Variants in STAC2 observed in about 807,000 individuals in gnomAD.
STAC2 encodes the protein SH3 and cysteine rich domain 2.
STAC2 carries 36 observed loss-of-function variants against 49.0 expected under a neutral mutation model. The ratio of observed to expected loss-of-function variants is 0.74; its 90% confidence interval spans 0.56 to 0.97. STAC2 has a LOEUF of 0.97. Ranked by LOEUF, STAC2 falls within the 50% of genes least tolerant of loss-of-function variation. The pLI, the probability that STAC2 is intolerant of heterozygous loss-of-function variation, is 0.00. For synonymous variants in STAC2, 239 were observed against 214.7 expected (o/e 1.11, Z -0.99); for missense variants, 527 against 543.8 (o/e 0.97, Z 0.31).
In STAC2 at chr17:39,217,922, C is replaced by T. The variant is rs370469328; in HGVS notation, c.342G>A (p.Gln114=). The T allele has an allele frequency of 1.2e-6, 2 of 1,606,030 alleles. No homozygotes were observed. The highest frequency in any genetic ancestry group is 1.7e-6 in the Non-Finnish European group (2 of 1,176,770). ...GGCTAGCTCGCTTGAAGACATGTTCCTGGAAGCTGTGCAGCCTCACTGGTT... is the reference window on the plus strand; with the variant it reads ...GGCTAGCTCGCTTGAAGACATGTTCTTGGAAGCTGTGCAGCCTCACTGGTT... The part of the protein sequence containing the change: ...ALKPVRLHSF[Q]EHVFKRASPC... The change falls in exon 2 of 11, where the codon CAG becomes CAA. Residue 114 remains glutamine (Q), a synonymous_variant. Coordinates refer to ENST00000333461, the MANE Select transcript of STAC2 (RefSeq NM_198993.5).
chr17:39,218,028 G>A lies in STAC2; in HGVS notation c.236C>T (p.Pro79Leu), dbSNP rs1302164795. 111 of 1,591,444 alleles carry A rather than the reference G, an allele frequency of 7.0e-5. No homozygotes were observed. Among genetic ancestry groups the A allele is most frequent in the Non-Finnish European group, 8.9e-5 (104 of 1,169,956 alleles). The change falls in exon 2 of 11, where the codon CCA becomes CTA. Residue 79 changes from proline to leucine, a missense_variant. Transcript: ENST00000333461. The stretch of plus-strand genomic sequence containing the variant: ...GCCCCTGTCCGAGGCTGTGGGTGGT[G>A]GGGAGGGAGGGGGCAGTGGGGTTGG... ...TPPTPLPPPS[P>L]PPTASDRGLA...
intron 4 of STAC2, 73 bp from the exon 5 acceptor site, chr17:39,215,303 C>G: frequency 4.1e-6 from 6 of 1,480,180 alleles, no homozygotes; most frequent in South Asian, 1.1e-5. Flanking sequence ...TCAGCATGCC[C>G]CAGGCTGAGC....
chr17:39,213,996 C>T (rs1029178342), intron 8 of STAC2, among the ~76,000 whole-genome samples: 4 of 152,022 alleles, frequency 2.6e-5, no homozygotes, highest in African/African-American at 9.7e-5. Context: ...TTCTTGATGC[C>T]CTCAGAGGAC....
chr17:39,214,673 G>A lies in STAC2; in HGVS notation c.843+118C>T, dbSNP rs2046384780. On this transcript the variant is annotated intron_variant, in intron 7 of 10. Transcript: ENST00000333461. ...TGGCATTGCCCATCCCTGAGGATAAGTGAGGAAGCAGTGAATCCCCACGCA... is the reference window on the plus strand; with the variant it reads ...TGGCATTGCCCATCCCTGAGGATAAATGAGGAAGCAGTGAATCCCCACGCA... 4 of 1,292,390 alleles carry A rather than the reference G, an allele frequency of 3.1e-6. No homozygotes were observed. In the South Asian group the frequency reaches 5.8e-5, roughly 19 times the overall value. 80.1% of individuals were successfully genotyped at this position (1,292,390 alleles called of 1,614,324 possible).
chr17:39,213,614 T>A, intron 8 of STAC2, 56 bp from the exon 9 acceptor site: 3 of 1,581,054 alleles, frequency 1.9e-6, no homozygotes, highest in Non-Finnish European at 2.6e-6. Context: ...CCCCTCCCCA[T>A]CCTAGCAGAC....
rs937231436 is a variant in STAC2, at chr17:39,225,779, G to T, written c.-277C>A. On this transcript the variant is annotated 5_prime_UTR_variant, in exon 1 of 11. Transcript: ENST00000333461. The surrounding 1 kb of genome is among the most constrained non-coding windows in gnomAD (Gnocchi z 8.2). ...AGGATGCTGCTCGCAGCGCGGGGAG[G>T]AGGGAAGTGGGGCCGCGGGGATGAG... 3 of 469,758 alleles carry T rather than the reference G, an allele frequency of 6.4e-6. No homozygotes were observed. The highest frequency in any genetic ancestry group is 1.1e-5 in the Non-Finnish European group (3 of 261,844). 29.1% of individuals were successfully genotyped at this position (469,758 alleles called of 1,614,324 possible). A position where few individuals can be genotyped will look rare whatever the true frequency, so the allele number is the denominator to read the frequency against.
rs34227667 is a variant in STAC2, at chr17:39,214,696, G to A, written c.843+95C>T. 7.1e-3 allele frequency: 9,967 copies of A among 1,412,218 alleles called. 505 individuals are homozygous for A. In the African/African-American group the frequency reaches 0.12, roughly 17 times the overall value. The allele number at this position is 1,412,218 out of a possible 1,614,324, so 87.5% of individuals were successfully genotyped here. On this transcript the variant is annotated intron_variant, in intron 7 of 10. Coordinates refer to ENST00000333461, the MANE Select transcript of STAC2 (RefSeq NM_198993.5). ...AAGTGAGGAAGCAGTGAATCCCCAC[G>A]CACCATGCTCTTGCCCCCCTATGAA...
In STAC2 at chr17:39,221,356, C is replaced by T. The variant is rs377668428; in HGVS notation, c.91-3183G>A. ...CCTCATGATCCGCCCACCTTGGCCT[C>T]CCAAAGTGCTGGGATTACAGGCGTC... On this transcript the variant is annotated intron_variant, in intron 1 of 10. Coordinates refer to ENST00000333461, the MANE Select transcript of STAC2 (RefSeq NM_198993.5). Among the ~76,000 whole-genome samples, 293 of 152,300 alleles carry T rather than the reference C, an allele frequency of 1.9e-3. 2 individuals carry two copies. Among genetic ancestry groups the T allele is most frequent in the African/African-American group, 6.8e-3 (282 of 41,544 alleles).
rs145892264 is a variant in STAC2, at chr17:39,221,039, G to A, written c.91-2866C>T. 7.1e-3 allele frequency among the ~76,000 whole-genome samples: 1,073 copies of A among 151,658 alleles called. 10 individuals carry two copies. The highest frequency in any genetic ancestry group is 0.011 in the Admixed American group (164 of 15,210). Reference sequence around the variant, plus strand: ...TCTCGATCTCCTGACCTCGTGATCCGCCTGTTTCGGCCTCCCAAAGTGCTA... The same window carrying A: ...TCTCGATCTCCTGACCTCGTGATCCACCTGTTTCGGCCTCCCAAAGTGCTA... On this transcript the variant is annotated intron_variant, in intron 1 of 10. Transcript: ENST00000333461.
At chr17:39,216,235 G>A (rs2046400897) in intron 4 of STAC2, among the ~76,000 whole-genome samples, 1 of 151,824 alleles carries the variant, frequency 6.6e-6, no homozygotes, top group East Asian at 1.9e-4. Flanking sequence ...TCCTGCCTCA[G>A]CCTCCCAAGT....
intron 1 of STAC2, among the ~76,000 whole-genome samples, chr17:39,220,636 G>A (rs1364371665): frequency 1.3e-5 from 2 of 151,842 alleles, no homozygotes; most frequent in Admixed American, 1.3e-4. Context: ...CACCATGCCC[G>A]GCTAATTTTG....
In STAC2 at chr17:39,217,077, GT is replaced by G; in HGVS notation, c.493del (p.Thr165ArgfsTer52). Reference protein sequence around the residue: ...EISHQQCPGKTSTSFRRNFSS... With the variant: ...EISHQQCPGKXSTSFRRNFSS... ...ATCTCTGCCTGGGTCCCCGCTCACCGTCTTGCCTGGGCATTGCTGGTGGGAG... is the reference window on the plus strand; with the variant it reads ...ATCTCTGCCTGGGTCCCCGCTCACCGCTTGCCTGGGCATTGCTGGTGGGAG... On this transcript the variant is annotated frameshift_variant and splice_region_variant, in exon 3 of 11. Coordinates refer to ENST00000333461, the MANE Select transcript of STAC2 (RefSeq NM_198993.5). LOFTEE classifies it high-confidence loss of function. 6.2e-7 allele frequency: 1 copy of G among 1,613,820 alleles called. No individual in the cohort carries two copies. The highest frequency in any genetic ancestry group is 8.5e-7 in the Non-Finnish European group (1 of 1,179,806).
chr17:39,213,188 C>A, intron 9 of STAC2, 56 bp from the exon 10 acceptor site: 1 of 1,593,400 alleles, frequency 6.3e-7, no homozygotes, highest in Non-Finnish European at 8.5e-7. Flanking sequence ...TGCTGCCCAC[C>A]ACTGCTTTCT....
chr17:39,214,206 C>A (rs745866413), intron 8 of STAC2, 27 bp downstream of exon 8: 17 of 1,611,574 alleles, frequency 1.1e-5, no homozygotes, highest in Admixed American at 3.3e-5. Context: ...AGCTGCCCAG[C>A]GGGGCCAGGT....
intron 1 of STAC2, among the ~76,000 whole-genome samples, chr17:39,220,731 C>T (rs2144255884): frequency 6.6e-6 from 1 of 152,216 alleles, no homozygotes; most frequent in East Asian, 1.9e-4. Context: ...CTCGGCCTCC[C>T]AAAGTGTTGG....
Position 39,225,859 on chromosome 17 carries a change from C to T in STAC2, c.-357G>A, listed in dbSNP as rs933563149. 5.2e-5 allele frequency: 13 copies of T among 251,752 alleles called. No homozygotes were observed. Among genetic ancestry groups the T allele is most frequent in the Non-Finnish European group, 1.0e-4 (13 of 129,766 alleles). 15.6% of individuals were successfully genotyped at this position (251,752 alleles called of 1,614,324 possible). On this transcript the variant is annotated 5_prime_UTR_variant, in exon 1 of 11. Coordinates refer to ENST00000333461, the MANE Select transcript of STAC2 (RefSeq NM_198993.5). The surrounding 1 kb of genome is among the most constrained non-coding windows in gnomAD (Gnocchi z 8.2). ...GTCCAGCCGGCTCCGCCGTCCGCTG[C>T]GCCCGCCCCCCATCCCCTCCCCTCC...
chr17:39,214,921 T>C, intron 6 of STAC2, 30 bp downstream of exon 6: 1 of 1,613,896 alleles, frequency 6.2e-7, no homozygotes, highest in Non-Finnish European at 8.5e-7. Flanking sequence ...TTGTACCCCA[T>C]TCCTGCCCTT....
Position 39,225,447 on chromosome 17 carries a change from G to T in STAC2, c.56C>A (p.Pro19His). The stretch of plus-strand genomic sequence containing the variant: ...CTGGAGGGCGGAGACGGTCCCTGGG[G>T]GGCTGTGGGTGGCCGCGTCATCCGG... ...NEPDDAATHS[P>H]PGTVSALQET... Residue 19 changes from proline to histidine, a missense_variant, in exon 1 of 11, where the codon CCC (proline) becomes CAC (histidine). Transcript: ENST00000333461. This position sits in a 1 kb window ranked among gnomAD's most constrained non-coding sequence, Gnocchi z 8.2. The T allele has an allele frequency of 6.2e-7, 1 of 1,609,244 alleles. No individual in the cohort carries two copies.
chr17:39,210,994 A>G lies in STAC2; in HGVS notation c.*1298T>C, dbSNP rs1239061821. ...CTCTTTTTCCCAGGGCTCTGTGTCC[A>G]GAACAAGGGAGCAGATAAAGCCAGC... On this transcript the variant is annotated 3_prime_UTR_variant, in exon 11 of 11. Transcript: ENST00000333461. 6.6e-6 allele frequency: 1 copy of G among 152,496 alleles called. No individual in the cohort carries two copies. The highest frequency in any genetic ancestry group is 2.4e-5 in the African/African-American group (1 of 41,432). The allele number at this position is 152,496 out of a possible 1,614,324, so 9.4% of individuals were successfully genotyped here.
Sources: gnomAD v4.1 joint callset for allele counts (sites outside exome capture counted in the v4.1 genomes callset) on GRCh38, gnomAD v4.1.1 for gene constraint, Gnocchi (gnomAD v3.1) non-coding constraint, MANE v1.5 for transcripts, NCBI Gene and HGNC (gene_info 2026-07-23, HGNC 2026-07-21) for gene names.